The following CNTNAP2 variants were observed in gnomAD, a reference collection of about 807,000 sequenced individuals.
CNTNAP2 encodes the protein contactin-associated protein-like 2.
A neutral mutation model predicts 155.2 loss-of-function variants in CNTNAP2; 98 were observed. The ratio of observed to expected loss-of-function variants is 0.63; its 90% confidence interval spans 0.54 to 0.75. The LOEUF (loss-of-function observed/expected upper bound fraction) is 0.75, where lower values mean the gene tolerates loss of function less well. CNTNAP2 is among the 30% of genes least tolerant of loss of function. CNTNAP2 has a pLI of 0.00. For synonymous variants in CNTNAP2, 651 were observed against 631.2 expected, an observed-to-expected ratio of 1.03 and a Z score of -0.47; for missense variants, 1,727 against 1,688.1, an observed-to-expected ratio of 1.02 and a Z score of -0.40.
chr7:146,663,931 C>T (rs975786746), intron 1 of CNTNAP2, among the ~76,000 whole-genome samples: 1 of 152,036 alleles, frequency 6.6e-6, no homozygotes, highest in Non-Finnish European at 1.5e-5. Flanking sequence ...GCAAGCCTCC[C>T]TGCTTTCTTC....
At chr7:147,857,229 C>T (rs1463232445) in intron 13 of CNTNAP2, among the ~76,000 whole-genome samples, 2 of 152,078 alleles carry the variant, frequency 1.3e-5, no homozygotes, top group Admixed American at 1.3e-4. Context: ...TTGACATAAA[C>T]CAAATTAAGT....
chr7:146,304,856 T>A (rs1800680410), intron 1 of CNTNAP2, among the ~76,000 whole-genome samples: 1 of 152,138 alleles, frequency 6.6e-6, no homozygotes, highest in Admixed American at 6.6e-5. Context: ...GATAATATCC[T>A]GCAGTGTTTT....
chr7:148,364,960 C>T (rs1467016998), intron 21 of CNTNAP2, among the ~76,000 whole-genome samples: 1 of 152,180 alleles, frequency 6.6e-6, no homozygotes, highest in African/African-American at 2.4e-5. Flanking sequence ...AGCAAGACCA[C>T]GAACCCACCA....
intron 1 of CNTNAP2, among the ~76,000 whole-genome samples, chr7:146,504,338 G>C (rs953305747): frequency 2.0e-5 from 3 of 152,194 alleles, no homozygotes; most frequent in African/African-American, 4.8e-5. Flanking sequence ...ATGTCTATGG[G>C]GGGTCATCAG....
intron 1 of CNTNAP2, among the ~76,000 whole-genome samples, chr7:146,612,391 G>A (rs1050407849): frequency 6.6e-6 from 1 of 152,060 alleles, no homozygotes; most frequent in Non-Finnish European, 1.5e-5. Context: ...AGCATTTCAA[G>A]ACATAATTTT....
chr7:146,322,578 T>C (rs563991769), intron 1 of CNTNAP2, among the ~76,000 whole-genome samples: 46 of 149,384 alleles, frequency 3.1e-4, no homozygotes, highest in Admixed American at 2.6e-3. Context: ...GATCCTCTTT[T>C]ATTTTTAGGG....
At chr7:146,861,326 T>A (rs62481432) in intron 3 of CNTNAP2, among the ~76,000 whole-genome samples, 54,150 of 152,020 alleles carry the variant, frequency 0.36, 9,791 homozygotes, top group Admixed American at 0.44. Context: ...GTGCTGGGAC[T>A]ATAGGCATGA....
chr7:147,193,485 C>A (rs1165488748), intron 8 of CNTNAP2, among the ~76,000 whole-genome samples: 1 of 152,156 alleles, frequency 6.6e-6, no homozygotes, highest in African/African-American at 2.4e-5. Flanking sequence ...AAAGATACAG[C>A]CCACAAGGAA....
chr7:147,703,194 GCTT>G (rs1796262426), intron 13 of CNTNAP2, among the ~76,000 whole-genome samples: 1 of 151,982 alleles, frequency 6.6e-6, no homozygotes, highest in Non-Finnish European at 1.5e-5. Context: ...AAGACGATTT[GCTT>G]CTTAATTCCC....
Position 148,016,632 on chromosome 7 carries a change from A to G in CNTNAP2, c.2383+38643A>G, listed in dbSNP as rs929247189. ...CTGATTACAAAAGTTACACATGCTC[A>G]TTGTCAAAATGCTGGAAAATACAGA... is the stretch of plus-strand genomic sequence containing the variant. On this transcript the variant is annotated intron_variant, in intron 15 of 23. Transcript: ENST00000361727. Among the ~76,000 whole-genome samples the G allele has an allele frequency of 2.6e-5, 4 of 152,340 alleles. No individual in the cohort carries two copies. In the South Asian group the frequency reaches 8.3e-4, roughly 32 times the overall value.
chr7:146,835,264 CAG>C (rs1418114206), intron 2 of CNTNAP2, among the ~76,000 whole-genome samples: 1 of 152,150 alleles, frequency 6.6e-6, no homozygotes, highest in Non-Finnish European at 1.5e-5. Context: ...ATTAGCAAAA[CAG>C]AGGAAATAGT....
At chr7:147,648,358 A>G (rs192515703) in intron 13 of CNTNAP2, among the ~76,000 whole-genome samples, 149 of 152,296 alleles carry the variant, frequency 9.8e-4, no homozygotes, top group African/African-American at 3.2e-3. Flanking sequence ...ACCATTCTAG[A>G]CATTTATCTC....
intron 11 of CNTNAP2, among the ~76,000 whole-genome samples, chr7:147,510,850 C>CGTATATATATATATATATATAT (rs71527816): frequency 3.9e-5 from 3 of 76,436 alleles, no homozygotes; most frequent in African/African-American, 6.2e-5. Context: ...GGCCTACAAC[C>CGTATATATATATATATATATAT]ATATATATAT....
chr7:147,259,578 T>C (rs1804410285), intron 8 of CNTNAP2, among the ~76,000 whole-genome samples: 1 of 152,230 alleles, frequency 6.6e-6, no homozygotes, highest in Non-Finnish European at 1.5e-5. Flanking sequence ...TCAAACGTAA[T>C]TTTCTGCTGA....
chr7:147,341,008 C>T (rs1795751665), intron 9 of CNTNAP2, among the ~76,000 whole-genome samples: 1 of 152,000 alleles, frequency 6.6e-6, no homozygotes, highest in South Asian at 2.1e-4. Context: ...TTTCTATTAA[C>T]ACATTTATTA....
chr7:146,562,853 A>C (rs1798300659), intron 1 of CNTNAP2, among the ~76,000 whole-genome samples: 1 of 152,180 alleles, frequency 6.6e-6, no homozygotes, highest in African/African-American at 2.4e-5. Flanking sequence ...CAAATTAGGG[A>C]GGATTTAATT....
chr7:147,763,049 G>A (rs551140151), intron 13 of CNTNAP2, among the ~76,000 whole-genome samples: 7 of 151,982 alleles, frequency 4.6e-5, no homozygotes, highest in East Asian at 3.9e-4. Flanking sequence ...ACCTGAAGTC[G>A]GGAGTTCGAG....
At chr7:148,202,551 T>G (rs1795384788) in intron 18 of CNTNAP2, among the ~76,000 whole-genome samples, 1 of 152,216 alleles carries the variant, frequency 6.6e-6, no homozygotes, top group Non-Finnish European at 1.5e-5. Context: ...ATAAATCCAT[T>G]CTTTTGCCAC....
chr7:146,204,585 T>C (rs937549599), intron 1 of CNTNAP2, among the ~76,000 whole-genome samples: 2 of 152,142 alleles, frequency 1.3e-5, no homozygotes, highest in African/African-American at 4.8e-5. Context: ...TATCTTTGTA[T>C]GGAGTCTCTC....
Sources: allele counts gnomAD v4.1 joint callset (sites outside exome capture counted in the v4.1 genomes callset), GRCh38; gene constraint gnomAD v4.1.1; transcripts MANE v1.5; gene names NCBI Gene and HGNC (gene_info 2026-07-23, HGNC 2026-07-21).